TRRAP: variants seen among roughly 807,000 people sequenced by gnomAD.
TRRAP encodes transformation/transcription domain associated protein.
Under a neutral mutation model 438.8 loss-of-function variants are expected in TRRAP, and 41 were observed. That is an observed-to-expected ratio of 0.09 (90% CI 0.07 to 0.12). The LOEUF is 0.12. Ranked by LOEUF, TRRAP falls within the 10% of genes least tolerant of loss-of-function variation. The probability of loss-of-function intolerance (pLI) is 1.00; values close to 1 mark genes in which losing one functional copy is unlikely to be tolerated. For missense variants in TRRAP, 3,122 were observed against 5,055.1 expected (o/e 0.62, Z 11.60); for synonymous variants, 1,994 against 1,962.9 (o/e 1.02, Z -0.42).
chr7:98,970,597 ATT>A (rs5886090), intron 52 of TRRAP, among the ~76,000 whole-genome samples: 13 of 147,528 alleles, frequency 8.8e-5, no homozygotes, highest in African/African-American at 2.0e-4. Flanking sequence ...GTTCAGCTAG[ATT>A]TTTTTTTTTT....
In TRRAP at chr7:98,892,418, T is replaced by C. The variant is rs562278074; in HGVS notation, c.262-6T>C. The C allele has an allele frequency of 2.2e-5, 35 of 1,606,488 alleles. No homozygotes were observed. The African/African-American group carries it at 4.4e-4, about 20-fold the overall frequency. ...ATCCTTACATTTATTTATTTTTTCT[T>C]GCCAGCAACTGCGGAAGCTCGTACT... On this transcript the variant is annotated splice_region_variant and splice_polypyrimidine_tract_variant and intron_variant, in intron 4 of 72. Transcript: ENST00000456197.
At chr7:98,968,342 A>G (rs1468819685) in intron 51 of TRRAP, among the ~76,000 whole-genome samples, 1 of 152,166 alleles carries the variant, frequency 6.6e-6, no homozygotes, top group African/African-American at 2.4e-5. Flanking sequence ...AAGCAGAAAG[A>G]TGGAGCAGCC....
At chr7:98,923,382 C>G (rs956391754) in intron 21 of TRRAP, among the ~76,000 whole-genome samples, 1 of 152,180 alleles carries the variant, frequency 6.6e-6, no homozygotes, top group African/African-American at 2.4e-5. Flanking sequence ...CTGAGCAGGA[C>G]GCCATCCTGC....
intron 20 of TRRAP, among the ~76,000 whole-genome samples, chr7:98,921,047 G>T (rs1370542041): frequency 1.3e-5 from 2 of 152,166 alleles, no homozygotes; most frequent in African/African-American, 4.8e-5. Flanking sequence ...ATGTTGGTCA[G>T]GCTGGTCTCG....
At chr7:98,959,301 C>T (rs1562960418) in intron 44 of TRRAP, 43 bp from the exon 45 acceptor site, 7 of 1,604,976 alleles carry the variant, frequency 4.4e-6, no homozygotes, top group East Asian at 2.2e-5. Context: ...ACTGTAAACT[C>T]GGATGCAGTG....
In TRRAP at chr7:99,012,377, G is replaced by A. The variant is rs1029262505; in HGVS notation, c.*22G>A. 2.7e-5 allele frequency: 43 copies of A among 1,571,372 alleles called. No homozygotes were observed. Among genetic ancestry groups the A allele is most frequent in the East Asian group, 1.6e-4 (7 of 42,452 alleles). The stretch of plus-strand genomic sequence containing the variant: ...GTGACTGTGGCCGCCACGGCCACCC[G>A]GAATGTGAAGGGCGCTCCGGGCTCT... On this transcript the variant is annotated 3_prime_UTR_variant, in exon 73 of 73. Coordinates refer to ENST00000456197, the MANE Select transcript of TRRAP (RefSeq NM_001375524.1). This position sits in a 1 kb window ranked among gnomAD's most constrained non-coding sequence, Gnocchi z 5.9.
In TRRAP at chr7:99,011,462, C is replaced by T. The variant is rs781590916; in HGVS notation, c.11264C>T (p.Thr3755Ile). The T allele has an allele frequency of 1.8e-5, 29 of 1,614,180 alleles. No homozygotes were observed. Among genetic ancestry groups the T allele is most frequent in the South Asian group, 3.3e-5 (3 of 91,096 alleles). ...LTPNISEFLT[T>I]IGVSGPLTAS... ...CCCAACATTTCTGAGTTTCTGACCA[C>T]CATCGGGGTCTCCGGCCCGTTGACA... The change falls in exon 72 of 73, where the codon ACC becomes ATC. Residue 3755 changes from threonine (T) to isoleucine (I), a missense_variant. Physicochemically the swap from Thr to Ile is moderately conservative, Grantham distance 89. Around this residue, in one of 24 missense-constraint regions of TRRAP, gnomAD observed 192 missense variants for 355.6 expected, o/e 0.54. Transcript: ENST00000456197. The surrounding 1 kb of genome is among the most constrained non-coding windows in gnomAD (Gnocchi z 7.1).
chr7:98,942,145 C>T (rs922633585), intron 30 of TRRAP, among the ~76,000 whole-genome samples: 7 of 152,212 alleles, frequency 4.6e-5, no homozygotes, highest in Admixed American at 1.3e-4. Context: ...TACCAGGTGC[C>T]TGGGTTAAGC....
intron 31 of TRRAP, among the ~76,000 whole-genome samples, chr7:98,944,423 G>A (rs1287416863): frequency 6.6e-6 from 1 of 152,186 alleles, no homozygotes; most frequent in Non-Finnish European, 1.5e-5. Flanking sequence ...CAGTTGTATA[G>A]GGGATGGAGT....
intron 53 of TRRAP, among the ~76,000 whole-genome samples, chr7:98,972,513 A>G (rs1562966328): frequency 1.3e-5 from 2 of 152,236 alleles, no homozygotes; most frequent in Non-Finnish European, 2.9e-5. Context: ...TAATTTGCTA[A>G]ATCAAGCCCA....
intron 12 of TRRAP, 41 bp downstream of exon 12, chr7:98,903,558 C>T: frequency 3.7e-6 from 6 of 1,609,718 alleles, no homozygotes; most frequent in Non-Finnish European, 5.1e-6. Context: ...GATGCTAGTC[C>T]TGTGGCCATC....
At chr7:98,999,327 A>G in intron 67 of TRRAP, 1 of 1,389,824 alleles carries the variant, frequency 7.2e-7, no homozygotes, top group South Asian at 1.2e-5. Context: ...ATCAAAGTCC[A>G]AGATTTCCTG....
At chr7:98,929,105 A>AT (rs1413845130) in intron 23 of TRRAP, among the ~76,000 whole-genome samples, 1 of 151,676 alleles carries the variant, frequency 6.6e-6, no homozygotes, top group Non-Finnish European at 1.5e-5. Flanking sequence ...CGCCCGGGTA[A>AT]TTTTTTTGGT....
rs1020904815 is a variant in TRRAP at position 98,955,232 on chromosome 7, G to A, written c.5865G>A (p.Lys1955=). 3.7e-6 allele frequency: 6 copies of A among 1,614,190 alleles called. 1 individual carries two copies. The Admixed American group carries it at 6.7e-5, about 18-fold the overall frequency. The part of the protein sequence containing the change: ...GHQMLTHWTR[K]IIVEEGHTVP... ...AGATGCTGACCCACTGGACCCGGAA[G>A]ATCATTGTGGAGGAGGGGCACACCG... is the stretch of plus-strand genomic sequence containing the variant. Residue 1955 remains lysine (K), a synonymous_variant, in exon 41 of 73, where the codon AAG becomes AAA. Coordinates refer to ENST00000456197, the MANE Select transcript of TRRAP (RefSeq NM_001375524.1).
At chr7:98,916,251 A>G (rs1789514908) in intron 19 of TRRAP, among the ~76,000 whole-genome samples, 1 of 152,236 alleles carries the variant, frequency 6.6e-6, no homozygotes, top group South Asian at 2.1e-4. Context: ...AGAGAATCAG[A>G]ACAAAAAAAG....
At chr7:98,923,499 C>T (rs534279463) in intron 21 of TRRAP, among the ~76,000 whole-genome samples, 1 of 152,362 alleles carries the variant, frequency 6.6e-6, no homozygotes, top group South Asian at 2.1e-4. Flanking sequence ...TCCATTAAAC[C>T]ATTCTGCTTT....
chr7:98,970,922 T>A (rs1792388552), intron 52 of TRRAP, among the ~76,000 whole-genome samples: 1 of 152,174 alleles, frequency 6.6e-6, no homozygotes, highest in African/African-American at 2.4e-5. Context: ...GCTTGGTGGC[T>A]TTCTGTCCTC....
rs764296475 is a variant in TRRAP, at chr7:98,967,093, T to C, written c.7229T>C (p.Ile2410Thr). ...SILLVKMMTY[I>T]EKRFPEDLEL... ...TTGCTTGTGAAGATGATGACTTACA[T>C]AGAAAAACGCTTTCCGGAAGACCTT... Residue 2410 changes from isoleucine to threonine, a missense_variant, in exon 50 of 73, where the codon ATA (isoleucine) becomes ACA (threonine). Ile to Thr is a moderately conservative substitution (Grantham distance 89). This residue lies in a region of TRRAP where 992 missense variants were observed against 1,281.2 expected (regional missense o/e 0.77). Transcript: ENST00000456197. 3.1e-6 allele frequency: 5 copies of C among 1,614,102 alleles called. 1 individual carries two copies. The highest frequency in any genetic ancestry group is 2.2e-5 in the South Asian group (2 of 91,078).
At chr7:98,920,706 A>T (rs1554410356) in intron 20 of TRRAP, among the ~76,000 whole-genome samples, 1 of 152,206 alleles carries the variant, frequency 6.6e-6, no homozygotes, top group Non-Finnish European at 1.5e-5. Flanking sequence ...GTAAGATTTG[A>T]AGTGTATGAG....
Sources: allele counts gnomAD v4.1 joint callset (sites outside exome capture counted in the v4.1 genomes callset), GRCh38; gene constraint gnomAD v4.1.1; regional missense constraint gnomAD v4.1.1; non-coding constraint Gnocchi (gnomAD v3.1); transcripts MANE v1.5; gene names NCBI Gene and HGNC (gene_info 2026-07-23, HGNC 2026-07-21).